The following ADGRE3 variants were observed in gnomAD, a reference collection of about 807,000 sequenced individuals.
The protein encoded by ADGRE3 is EGF-like module receptor 3.
In ADGRE3, 88 loss-of-function variants were observed where a neutral mutation model predicts 80.1. The observed-to-expected ratio is 1.10, with a 90% CI of 0.93 to 1.31. The LOEUF (loss-of-function observed/expected upper bound fraction) is 1.31, where lower values mean the gene tolerates loss of function less well. ADGRE3 is among the 40% of genes most tolerant of loss of function. ADGRE3 has a pLI of 0.00. For missense variants in ADGRE3, 715 were observed against 776.5 expected, an observed-to-expected ratio of 0.92 and a Z score of 0.94; for synonymous variants, 281 against 294.8, an observed-to-expected ratio of 0.95 and a Z score of 0.48.
chr19:14,666,502 G>A (rs180730017), intron 2 of ADGRE3, among the ~76,000 whole-genome samples: 5 of 151,938 alleles, frequency 3.3e-5, no homozygotes, highest in Admixed American at 1.3e-4. Flanking sequence ...TCAGCCTCCC[G>A]AGTAGCTAGG....
chr19:14,643,565 G>A (rs1253752717), intron 9 of ADGRE3, among the ~76,000 whole-genome samples: 1 of 152,148 alleles, frequency 6.6e-6, no homozygotes, highest in Non-Finnish European at 1.5e-5. Flanking sequence ...GCTCTGGTGA[G>A]CTTCCCTGGC....
chr19:14,625,433 T>C, intron 15 of ADGRE3, 59 bp downstream of exon 15: 1 of 1,097,050 alleles, frequency 9.1e-7, no homozygotes, highest in Admixed American at 2.1e-5. Context: ...CTAGAGGAAG[T>C]TTGCAGTGTC....
intron 7 of ADGRE3, among the ~76,000 whole-genome samples, chr19:14,648,326 G>T (rs1380095216): frequency 1.3e-5 from 2 of 152,134 alleles, no homozygotes; most frequent in Non-Finnish European, 2.9e-5. Context: ...GCGTGAATTT[G>T]TGTTTGGCCT....
the ADGRE3 span, among the ~76,000 whole-genome samples, chr19:14,602,200 G>T: frequency 6.7e-6 from 1 of 149,088 alleles, no homozygotes; most frequent in Non-Finnish European, 1.5e-5. Flanking sequence ...TATTTAAAAT[G>T]TTTTTTTTTT....
chr19:14,654,935 G>T, intron 6 of ADGRE3, 47 bp downstream of exon 6: 2 of 1,493,498 alleles, frequency 1.3e-6, no homozygotes, highest in Non-Finnish European at 1.8e-6. Context: ...CCAGATCCCA[G>T]CTGCTAACCA....
rs1168412172 is a variant in ADGRE3 at position 14,674,669 on chromosome 19, A to T, written c.25+77T>A. On this transcript the variant is annotated intron_variant, in intron 1 of 15. Transcript: ENST00000253673. ...CAGAGCAGAAGAAAGAGGAGGAGAA[A>T]ATAACCAATTGTTGAACCAAGTGGT... 3 of 1,468,576 alleles carry T rather than the reference A, an allele frequency of 2.0e-6. No homozygotes were observed. The Admixed American group carries it at 5.4e-5, about 26-fold the overall frequency. The allele number at this position is 1,468,576 out of a possible 1,614,324, so 91.0% of individuals were successfully genotyped here.
At chr19:14,644,775 G>C (rs1324012493) in intron 8 of ADGRE3, among the ~76,000 whole-genome samples, 1 of 152,160 alleles carries the variant, frequency 6.6e-6, no homozygotes, top group Non-Finnish European at 1.5e-5. Context: ...ACCCAGGCTG[G>C]AGTGCCGTGA....
intron 3 of ADGRE3, 122 bp from the exon 4 acceptor site, chr19:14,662,240 T>C: frequency 1.1e-6 from 1 of 913,730 alleles, no homozygotes; most frequent in Non-Finnish European, 1.6e-6. Flanking sequence ...CAAATCAGTT[T>C]AGGTAATGGT....
intron 9 of ADGRE3, among the ~76,000 whole-genome samples, chr19:14,643,656 C>T (rs1174078661): frequency 6.6e-6 from 1 of 152,076 alleles, no homozygotes; most frequent in Non-Finnish European, 1.5e-5. Flanking sequence ...GGAGAGGACA[C>T]TGGAAGCTTG....
At chr19:14,641,880 T>G (rs1393729779) in intron 9 of ADGRE3, among the ~76,000 whole-genome samples, 1 of 152,234 alleles carries the variant, frequency 6.6e-6, no homozygotes, top group East Asian at 1.9e-4. Context: ...TAATATAGAT[T>G]GCTAGACTGT....
At chr19:14,612,720 G>A in the ADGRE3 span, among the ~76,000 whole-genome samples, 2 of 152,014 alleles carry the variant, frequency 1.3e-5, no homozygotes, top group Non-Finnish European at 2.9e-5. Flanking sequence ...ATGCATTTGG[G>A]AGGGGTGGCA....
At chr19:14,657,510 T>G (rs1971801001) in intron 5 of ADGRE3, among the ~76,000 whole-genome samples, 1 of 151,802 alleles carries the variant, frequency 6.6e-6, no homozygotes, top group South Asian at 2.1e-4. Context: ...CTGTCATATG[T>G]ATGTACGTAC....
chr19:14,650,462 CT>C (rs1286269773), intron 7 of ADGRE3, among the ~76,000 whole-genome samples: 11 of 150,950 alleles, frequency 7.3e-5, no homozygotes, highest in Non-Finnish European at 1.2e-4. Flanking sequence ...CCACATCTCT[CT>C]CCCCATCTAA....
At chr19:14,635,740 C>T (rs906987390) in intron 11 of ADGRE3, among the ~76,000 whole-genome samples, 1 of 152,012 alleles carries the variant, frequency 6.6e-6, no homozygotes, top group African/African-American at 2.4e-5. Context: ...TGCTAAAATC[C>T]TGCCCCAAAG....
intron 4 of ADGRE3, 103 bp downstream of exon 4, chr19:14,661,859 TG>T: frequency 7.8e-7 from 1 of 1,289,660 alleles, no homozygotes; most frequent in Non-Finnish European, 1.1e-6. Context: ...CACTCCAGCC[TG>T]GGCTACAGAG....
intron 7 of ADGRE3, among the ~76,000 whole-genome samples, chr19:14,650,842 C>T (rs182909820): frequency 1.2e-4 from 18 of 152,228 alleles, no homozygotes; most frequent in South Asian, 8.3e-4. Context: ...GAACCCAAAC[C>T]GGGACACAGG....
At chr19:14,605,996 A>G in the ADGRE3 span, among the ~76,000 whole-genome samples, 1 of 152,082 alleles carries the variant, frequency 6.6e-6, no homozygotes, top group African/African-American at 2.4e-5. Flanking sequence ...CTCCTTGGCT[A>G]AAGTGGTGGG....
chr19:14,624,240 A>C (rs1458638144), intron 15 of ADGRE3, among the ~76,000 whole-genome samples: 2 of 151,976 alleles, frequency 1.3e-5, no homozygotes, highest in Non-Finnish European at 2.9e-5. Context: ...GATTACAGGC[A>C]TGTGCCACCA....
At chr19:14,653,139 C>A (rs1016010647) in intron 6 of ADGRE3, among the ~76,000 whole-genome samples, 2 of 151,298 alleles carry the variant, frequency 1.3e-5, no homozygotes, top group Non-Finnish European at 2.9e-5. Context: ...TGCACCACCA[C>A]GCCTGGCTAA....
Sources: gnomAD v4.1 joint callset for allele counts (sites outside exome capture counted in the v4.1 genomes callset) on GRCh38, gnomAD v4.1.1 for gene constraint, MANE v1.5 for transcripts, NCBI Gene and HGNC (gene_info 2026-07-23, HGNC 2026-07-21) for gene names.